The following GSN variants were observed in gnomAD, a reference collection of about 807,000 sequenced individuals.
GSN encodes actin-depolymerizing factor.
Under a neutral mutation model 85.7 loss-of-function variants are expected in GSN, and 56 were observed. The observed-to-expected ratio is 0.65, with a 90% CI of 0.53 to 0.82. The LOEUF is 0.82. Among genes scored for constraint, GSN ranks in the 40% least tolerant of loss-of-function variants. GSN has a pLI of 0.00. For synonymous variants in GSN, 373 were observed against 399.1 expected (o/e 0.93, Z 0.78); for missense variants, 857 against 979.8 (o/e 0.87, Z 1.67).
chr9:121,286,704 G>A (rs1209630680), intron 2 of GSN: 5 of 1,535,424 alleles, frequency 3.3e-6, no homozygotes, highest in African/African-American at 1.4e-5. Flanking sequence ...AACAGCCACT[G>A]TGGCCATCAT....
intron 6 of GSN, among the ~76,000 whole-genome samples, chr9:121,254,557 T>G (rs1046265275): frequency 2.0e-5 from 3 of 152,174 alleles, no homozygotes; most frequent in African/African-American, 7.2e-5. Context: ...ATTTTAACCT[T>G]TCTTCTCCAG....
At chr9:121,324,192 C>A (rs1277278151) in intron 11 of GSN, among the ~76,000 whole-genome samples, 1 of 152,204 alleles carries the variant, frequency 6.6e-6, no homozygotes, top group Non-Finnish European at 1.5e-5. Context: ...TGCTATTCTG[C>A]GACCTGCTTT....
upstream of GSN, among the ~76,000 whole-genome samples, chr9:121,263,934 C>T (rs1203395569): frequency 6.7e-6 from 1 of 149,706 alleles, no homozygotes; most frequent in African/African-American, 2.5e-5. Context: ...AACTCACCAT[C>T]ATGAGAACGG....
intron 1 of GSN, among the ~76,000 whole-genome samples, chr9:121,278,588 G>A (rs1466169014): frequency 2.0e-5 from 3 of 152,230 alleles, no homozygotes; most frequent in Non-Finnish European, 4.4e-5. Context: ...ACTATTAGAA[G>A]GCGTCTTCTG....
chr9:121,301,346 G>C (rs58923144), intron 2 of GSN, among the ~76,000 whole-genome samples: 2,129 of 152,330 alleles, frequency 0.014, 47 homozygotes, highest in African/African-American at 0.049. Flanking sequence ...AAGAAGGGAG[G>C]CTGGGCGCGG....
chr9:121,273,714 A>T (rs750910111), intron 1 of GSN, among the ~76,000 whole-genome samples: 2 of 152,044 alleles, frequency 1.3e-5, no homozygotes, highest in African/African-American at 4.8e-5. Context: ...TTCTCATGTT[A>T]TTAAGGATTC....
intron 1 of GSN, chr9:121,280,329 ATCCACT>A (rs2057210147): frequency 6.6e-6 from 1 of 152,252 alleles, no homozygotes; most frequent in Non-Finnish European, 1.5e-5. Context: ...ATGGTCCTTC[ATCCACT>A]CATCTAGCAT....
At chr9:121,312,574 T>G in intron 6 of GSN, 86 bp downstream of exon 6, 2 of 1,036,830 alleles carry the variant, frequency 1.9e-6, no homozygotes, top group Non-Finnish European at 2.7e-6. Context: ...GAGGTGAATT[T>G]GAGGAAAAAA....
chr9:121,317,995 G>A (rs7029231), intron 8 of GSN: 4,442 of 263,918 alleles, frequency 0.017, 207 homozygotes, highest in African/African-American at 0.092. Context: ...TCCTTGGCAC[G>A]GGAATGCCCT....
chr9:121,310,713 C>T lies in GSN; in HGVS notation c.381C>T (p.His127=), dbSNP rs180689280. The change falls in exon 5 of 18, where the codon CAC becomes CAT. Residue 127 remains histidine (H), a synonymous_variant. Transcript: ENST00000432226. ...KKGGVASGFK[H]VVPNEVVVQR... ...GAGGTGTGGCATCAGGATTCAAGCA[C>T]GTGGTACCCAACGAGGTGGTGGTGC... 9.3e-6 allele frequency: 15 copies of T among 1,614,172 alleles called. No individual in the cohort carries two copies. In the East Asian group the frequency reaches 1.6e-4, roughly 17 times the overall value.
intron 1 of GSN, among the ~76,000 whole-genome samples, chr9:121,268,974 G>T (rs2055491471): frequency 6.6e-6 from 1 of 152,220 alleles, no homozygotes; most frequent in Non-Finnish European, 1.5e-5. Flanking sequence ...TTGGAAGGCT[G>T]GGGGCTGGGG....
At chr9:121,234,716 C>T (rs982221884) in intron 5 of GSN, among the ~76,000 whole-genome samples, 1 of 152,142 alleles carries the variant, frequency 6.6e-6, no homozygotes, top group Non-Finnish European at 1.5e-5. Flanking sequence ...GGGCATGGTG[C>T]CTCATACCTG....
chr9:121,325,606 TTTG>T, intron 12 of GSN, among the ~76,000 whole-genome samples: 1 of 152,126 alleles, frequency 6.6e-6, no homozygotes, highest in South Asian at 2.1e-4. Context: ...GCAGAGCTGG[TTTG>T]TGGAAATATA....
intron 6 of GSN, among the ~76,000 whole-genome samples, chr9:121,262,004 CT>C (rs1326256203): frequency 2.0e-5 from 3 of 152,148 alleles, no homozygotes; most frequent in Non-Finnish European, 4.4e-5. Flanking sequence ...TTATGAATTA[CT>C]TTTTGTTTCT....
At chr9:121,289,952 G>C (rs1231347738) in intron 2 of GSN, among the ~76,000 whole-genome samples, 1 of 152,200 alleles carries the variant, frequency 6.6e-6, no homozygotes, top group Admixed American at 6.5e-5. Context: ...GAGTTTAAGG[G>C]AGTGAGGGAG....
Position 121,286,134 on chromosome 9 carries a change from C to G in GSN, c.-10+4572C>G, listed in dbSNP as rs1003652873. 8.5e-6 allele frequency: 13 copies of G among 1,535,476 alleles called. No homozygotes were observed. The African/African-American group carries it at 1.2e-4, about 15-fold the overall frequency. On this transcript the variant is annotated intron_variant, in intron 2 of 17. Coordinates refer to ENST00000432226, the MANE Select transcript of GSN (RefSeq NM_198252.3). ...CAGGAGAGGCCCACATAGCTCCCCCCAGCCTCGCGATGGCCGAGGAAGAAG... is the reference window on the plus strand; with the variant it reads ...CAGGAGAGGCCCACATAGCTCCCCCGAGCCTCGCGATGGCCGAGGAAGAAG...
chr9:121,286,099 T>C, intron 2 of GSN: 1 of 1,535,152 alleles, frequency 6.5e-7, no homozygotes, highest in Non-Finnish European at 8.7e-7. Flanking sequence ...ATGATTAGGT[T>C]GGCCTGTGTC....
chr9:121,287,755 A>G (rs771814416), intron 2 of GSN, among the ~76,000 whole-genome samples: 21 of 151,902 alleles, frequency 1.4e-4, no homozygotes, highest in Non-Finnish European at 2.6e-4. Context: ...GTAAATTTAC[A>G]TATAATTTAC....
chr9:121,277,286 G>A (rs948783111), intron 1 of GSN, among the ~76,000 whole-genome samples: 1 of 152,166 alleles, frequency 6.6e-6, no homozygotes, highest in Admixed American at 6.5e-5. Flanking sequence ...TATGAACTGT[G>A]TTTCAGCTGG....
Sources: allele counts gnomAD v4.1 joint callset (sites outside exome capture counted in the v4.1 genomes callset), GRCh38; gene constraint gnomAD v4.1.1; transcripts MANE v1.5; gene names NCBI Gene and HGNC (gene_info 2026-07-23, HGNC 2026-07-21).